PCNT: variants seen among roughly 807,000 people sequenced by gnomAD.
PCNT encodes the protein kendrin.
PCNT carries 319 observed loss-of-function variants against 380.4 expected under a neutral mutation model. That is an observed-to-expected ratio of 0.84 (90% CI 0.77 to 0.92). The LOEUF (loss-of-function observed/expected upper bound fraction) is 0.92, where lower values mean the gene tolerates loss of function less well. Among genes scored for constraint, PCNT ranks in the 40% least tolerant of loss-of-function variants. PCNT has a pLI of 0.00. For missense variants in PCNT, 4,400 were observed against 4,255.3 expected (o/e 1.03, Z -0.95); for synonymous variants, 1,845 against 1,735.2 (o/e 1.06, Z -1.57).
intron 15 of PCNT, among the ~76,000 whole-genome samples, chr21:46,371,039 A>T (rs1004325753): frequency 9.9e-5 from 15 of 151,970 alleles, no homozygotes; most frequent in African/African-American, 3.1e-4. Context: ...CGTCTCAAAA[A>T]ATATATATAT....
In PCNT at chr21:46,356,919, C is replaced by T. The variant is rs1293540407; in HGVS notation, c.1937-55C>T. ...CCGTTCTGCCTGTGCGGACTGTGGGCTCCATCGAGGGCCGGCACCGGCCTG... is the reference window on the plus strand; with the variant it reads ...CCGTTCTGCCTGTGCGGACTGTGGGTTCCATCGAGGGCCGGCACCGGCCTG... On this transcript the variant is annotated intron_variant, in intron 12 of 46. Coordinates refer to ENST00000359568, the MANE Select transcript of PCNT (RefSeq NM_006031.6). The T allele has an allele frequency of 3.4e-6, 5 of 1,488,928 alleles. No homozygotes were observed. The African/African-American group carries it at 5.5e-5, about 16-fold the overall frequency. 92.2% of individuals were successfully genotyped at this position (1,488,928 alleles called of 1,614,324 possible). A position where few individuals can be genotyped will look rare whatever the true frequency, so the allele number is the denominator to read the frequency against.
rs959368134 is a variant in PCNT at position 46,325,085 on chromosome 21, C to T, written c.54+803C>T. On this transcript the variant is annotated intron_variant, in intron 1 of 46. Coordinates refer to ENST00000359568, the MANE Select transcript of PCNT (RefSeq NM_006031.6). Reference sequence around the variant, plus strand: ...CCGGGTTTCTCCGTGAAAAAGCGCTCGGTTTGATGGCCACTGTCCTAGGTT... The same window carrying T: ...CCGGGTTTCTCCGTGAAAAAGCGCTTGGTTTGATGGCCACTGTCCTAGGTT... The T allele has an allele frequency of 1.8e-5, 18 of 985,370 alleles. No individual in the cohort carries two copies. The African/African-American group carries it at 3.1e-4, about 17-fold the overall frequency. The allele number at this position is 985,370 out of a possible 1,614,324, so 61.0% of individuals were successfully genotyped here.
chr21:46,357,900 G>T (rs1197402366), intron 13 of PCNT, among the ~76,000 whole-genome samples: 3 of 152,356 alleles, frequency 2.0e-5, no homozygotes, highest in African/African-American at 7.2e-5. Flanking sequence ...TGTGGAAGAG[G>T]CACCCTCTGA....
chr21:46,351,958 C>G (rs1374069415), intron 9 of PCNT, among the ~76,000 whole-genome samples: 1 of 152,242 alleles, frequency 6.6e-6, no homozygotes, highest in East Asian at 1.9e-4. Flanking sequence ...CCCAGCTCTC[C>G]AGGCCACTTG....
At chr21:46,370,504 T>C (rs117261412) in intron 15 of PCNT, among the ~76,000 whole-genome samples, 7,281 of 150,728 alleles carry the variant, frequency 0.048, 232 homozygotes, top group Non-Finnish European at 0.065. Context: ...ATGGAGAGCC[T>C]GGGGGCTGAC....
intron 1 of PCNT, among the ~76,000 whole-genome samples, chr21:46,325,867 A>G (rs770115387): frequency 1.3e-5 from 2 of 152,126 alleles, no homozygotes; most frequent in Non-Finnish European, 2.9e-5. Context: ...AAAATAGAAC[A>G]TCTGATTCCA....
intron 25 of PCNT, among the ~76,000 whole-genome samples, chr21:46,400,277 G>A (rs2086376216): frequency 6.6e-6 from 1 of 152,014 alleles, no homozygotes; most frequent in South Asian, 2.1e-4. Context: ...AGAGGGGCTG[G>A]AGCACTGAGC....
At position 46,349,104 on chromosome 21, in the gene PCNT, T is replaced by G. The variant is rs2084177732; in HGVS notation, c.1125T>G (p.Asp375Glu). 1 of 1,612,354 alleles carries G rather than the reference T, an allele frequency of 6.2e-7. No individual in the cohort carries two copies. The highest frequency in any genetic ancestry group is 1.3e-5 in the African/African-American group (1 of 74,856). The stretch of plus-strand genomic sequence containing the variant: ...CAAAGCATCAATCAGAAATGGAGGA[T>G]TTACAAAACCAGTTTCAGAAAGAAT... Reference protein sequence around the residue: ...LSAKHQSEMEDLQNQFQKELA... With the variant: ...LSAKHQSEMEELQNQFQKELA... Residue 375 changes from aspartate (D) to glutamate (E), a missense_variant, in exon 7 of 47, where the codon GAT becomes GAG. Physicochemically the swap from Asp to Glu is conservative, Grantham distance 45. Coordinates refer to ENST00000359568, the MANE Select transcript of PCNT (RefSeq NM_006031.6).
chr21:46,432,213 C>T lies in PCNT; in HGVS notation c.8749C>T (p.Leu2917=). Residue 2917 remains leucine (L), a splice_region_variant and synonymous_variant, in exon 38 of 47, where the codon CTG becomes TTG. Coordinates refer to ENST00000359568, the MANE Select transcript of PCNT (RefSeq NM_006031.6). ...WRKWQRDKEK[L]RELELQRQRD... ...GAAGTGGCAGAGAGACAAGGAGAAG[C>T]TGGTGAGAGCCGCCTGCCGGCGGAG... 1.2e-6 allele frequency: 2 copies of T among 1,606,744 alleles called. No homozygotes were observed. Among genetic ancestry groups the T allele is most frequent in the Non-Finnish European group, 1.7e-6 (2 of 1,177,636 alleles).
At chr21:46,384,782 G>T (rs113259887) in intron 16 of PCNT, among the ~76,000 whole-genome samples, 1 of 142,104 alleles carries the variant, frequency 7.0e-6, no homozygotes, top group African/African-American at 2.5e-5. Flanking sequence ...GCGTAGTTCA[G>T]TGGCGGAAGT....
In PCNT at chr21:46,363,630, T is replaced by C. The variant is rs979800335; in HGVS notation, c.2305T>C (p.Leu769=). 1.8e-5 allele frequency: 29 copies of C among 1,614,044 alleles called. No individual in the cohort carries two copies. The highest frequency in any genetic ancestry group is 2.0e-5 in the Non-Finnish European group (24 of 1,180,032). The change falls in exon 14 of 47, where the codon TTG becomes CTG. Residue 769 remains leucine, a synonymous_variant. Transcript: ENST00000359568. ...GCGGGAAGCTGAGGAGAAGTTAACA[T>C]TGATGCTACTTGAACTGAGAGAAAA... ...LQREAEEKLT[L]MLLELREKAE...
chr21:46,325,256 A>T, intron 1 of PCNT: 1 of 953,256 alleles, frequency 1.0e-6, no homozygotes, highest in Non-Finnish European at 1.2e-6. Context: ...GGTGCTGGGG[A>T]AGAGCGGGGC....
chr21:46,347,584 A>C lies in PCNT; in HGVS notation c.1032+72A>C, dbSNP rs541332986. ...TTCCTTTCTCGCCAGGTCCCATGAG[A>C]ACGCTCCTCACCTTGATTCAGACAG... On this transcript the variant is annotated intron_variant, in intron 6 of 46. Coordinates refer to ENST00000359568, the MANE Select transcript of PCNT (RefSeq NM_006031.6). 1.5e-5 allele frequency: 21 copies of C among 1,381,246 alleles called. No homozygotes were observed. The East Asian group carries it at 4.3e-4, about 28-fold the overall frequency. 85.6% of individuals were successfully genotyped at this position (1,381,246 alleles called of 1,614,324 possible). A position where few individuals can be genotyped will look rare whatever the true frequency, so the allele number is the denominator to read the frequency against.
chr21:46,391,403 G>A, intron 21 of PCNT, 27 bp downstream of exon 21: 2 of 1,531,064 alleles, frequency 1.3e-6, no homozygotes, highest in Non-Finnish European at 1.8e-6. Flanking sequence ...GTGGAGGGTG[G>A]TGCGAGCTGT....
chr21:46,393,838 C>T (rs868807280), intron 21 of PCNT, among the ~76,000 whole-genome samples: 10 of 152,196 alleles, frequency 6.6e-5, no homozygotes, highest in Admixed American at 1.3e-4. Flanking sequence ...CAGGGAGTGT[C>T]GTGACAGGTG....
intron 15 of PCNT, among the ~76,000 whole-genome samples, chr21:46,379,259 T>TA (rs2085432011): frequency 7.3e-6 from 1 of 137,836 alleles, no homozygotes; most frequent in African/African-American, 2.6e-5. Flanking sequence ...TGCGCCCGTC[T>TA]TCCTGGGCTG....
Position 46,411,493 on chromosome 21 carries a change from C to T in PCNT, c.5420C>T (p.Ala1807Val), listed in dbSNP as rs1279291923. The change falls in exon 28 of 47, where the codon GCT (alanine) becomes GTT (valine). Residue 1807 changes from alanine (A) to valine (V), a missense_variant. Coordinates refer to ENST00000359568, the MANE Select transcript of PCNT (RefSeq NM_006031.6). ...EAKEALSRLL[A>V]DQERRHSQAL... ...AAGGAGGCCCTGAGCCGGCTGCTGG[C>T]TGACCAGGAGCGCAGGCACAGCCAG... 1.2e-6 allele frequency: 2 copies of T among 1,609,478 alleles called. No homozygotes were observed. Among genetic ancestry groups the T allele is most frequent in the African/African-American group, 1.3e-5 (1 of 74,956 alleles).
In PCNT at chr21:46,388,207, C is replaced by G. The variant is rs2085907153; in HGVS notation, c.3465-535C>G. On this transcript the variant is annotated intron_variant, in intron 17 of 46. Coordinates refer to ENST00000359568, the MANE Select transcript of PCNT (RefSeq NM_006031.6). This position sits in a 1 kb window ranked among gnomAD's most constrained non-coding sequence, Gnocchi z 4.2. Reference sequence around the variant, plus strand: ...CCTGGGCGACAGAGCGAGACTCCATCTCAAAAAAAAAAAAAGACAGAAGCA... The same window carrying G: ...CCTGGGCGACAGAGCGAGACTCCATGTCAAAAAAAAAAAAAGACAGAAGCA... 1.3e-5 allele frequency among the ~76,000 whole-genome samples: 2 copies of G among 149,558 alleles called. No individual in the cohort carries two copies. Among genetic ancestry groups the G allele is most frequent in the African/African-American group, 4.9e-5 (2 of 40,708 alleles).
chr21:46,358,844 A>G (rs534094315), intron 13 of PCNT, among the ~76,000 whole-genome samples: 2 of 151,648 alleles, frequency 1.3e-5, no homozygotes, highest in Non-Finnish European at 2.9e-5. Context: ...TCTGTCACCC[A>G]GGCTGGAGCG....
Sources: allele counts gnomAD v4.1 joint callset (sites outside exome capture counted in the v4.1 genomes callset), GRCh38; gene constraint gnomAD v4.1.1; non-coding constraint Gnocchi (gnomAD v3.1); transcripts MANE v1.5; gene names NCBI Gene and HGNC (gene_info 2026-07-23, HGNC 2026-07-21).